Variants in IL17B observed in about 807,000 individuals in gnomAD.
IL17B encodes the protein interleukin 17B.
Under a neutral mutation model 14.7 loss-of-function variants are expected in IL17B, and 14 were observed. The ratio of observed to expected loss-of-function variants is 0.95; its 90% CI spans 0.63 to 1.49. IL17B has a LOEUF of 1.49. Among genes scored for constraint, IL17B ranks in the 40% most tolerant of loss-of-function variants. IL17B has a pLI of 0.00. For missense variants in IL17B, 233 were observed against 252.8 expected, an observed-to-expected ratio of 0.92 and a Z score of 0.53; for synonymous variants, 105 against 94.8, an observed-to-expected ratio of 1.11 and a Z score of -0.62.
chr5:149,379,073 G>T (rs1758618227), intron 1 of IL17B, 132 bp downstream of exon 1: 3 of 1,067,282 alleles, frequency 2.8e-6, no homozygotes, highest in East Asian at 2.4e-5. Context: ...CTAGTCCTGG[G>T]GGAGAAGACA....
chr5:149,402,376 C>T (rs1296156959), intron 1 of IL17B, among the ~76,000 whole-genome samples: 1 of 152,124 alleles, frequency 6.6e-6, no homozygotes, highest in East Asian at 1.9e-4. Context: ...GACTGGGCTA[C>T]ACCATTGTTC....
rs2127617147 is a variant in IL17B, at chr5:149,376,934, A to C, written c.113T>G (p.Leu38Arg). 1 of 1,613,560 alleles carries C rather than the reference A, an allele frequency of 6.2e-7. No individual in the cohort carries two copies. Among genetic ancestry groups the C allele is most frequent in the East Asian group, 2.2e-5 (1 of 44,862 alleles). ...KRKGQGRPGP[L>R]APGPHQVPLD... ...TGGCACCTGGTGAGGGCCAGGGGCC[A>C]GGGGCCCAGGCCGCCCTTGCCCCTT... Residue 38 changes from leucine to arginine, a missense_variant, in exon 2 of 3, where the codon CTG (leucine) becomes CGG (arginine). Coordinates refer to ENST00000261796, the MANE Select transcript of IL17B (RefSeq NM_014443.3).
At chr5:149,402,847 C>T (rs1017446931) in intron 1 of IL17B, among the ~76,000 whole-genome samples, 9 of 151,322 alleles carry the variant, frequency 5.9e-5, no homozygotes, top group African/African-American at 2.2e-4. Context: ...ATTAAAAATA[C>T]AAAAAATTAG....
chr5:149,381,200 T>C (rs1002828755), upstream of IL17B, among the ~76,000 whole-genome samples: 1 of 152,166 alleles, frequency 6.6e-6, no homozygotes, highest in Admixed American at 6.5e-5. Context: ...CTGCTGGAAA[T>C]ACGCACCCCT....
In IL17B at chr5:149,403,066, CTGTTTTGTTTTGTTT is replaced by C. The variant is rs113008877; in HGVS notation, n.95+1027_95+1041del. Among the ~76,000 whole-genome samples, 766 of 142,050 alleles carry C rather than the reference CTGTTTTGTTTTGTTT, an allele frequency of 5.4e-3. 9 individuals are homozygous for C. Among genetic ancestry groups the C allele is most frequent in the African/African-American group, 0.019 (711 of 38,416 alleles). 93.2% of individuals were successfully genotyped at this position (142,050 alleles called of 152,430 possible). A position where few individuals can be genotyped will look rare whatever the true frequency, so the allele number is the denominator to read the frequency against. ...TAGACAGTTTTTTGTTTGTTTTGTT[CTGTTTTGTTTTGTTT>C]TGTTTTGTTTTGTTTTGTTTTGAGA... is the stretch of plus-strand genomic sequence containing the variant. On this transcript the variant is annotated intron_variant and non_coding_transcript_variant, in intron 1 of 2. Transcript: ENST00000505432.
rs951898748 is a variant in IL17B, at chr5:149,395,780, C to A, written n.95+8328G>T. Reference sequence around the variant, plus strand: ...CTCTGCCTCCCAGGTTCAAGCAATTCTCGTACCTCAGCCTCCTGAGTAGCT... The same window carrying A: ...CTCTGCCTCCCAGGTTCAAGCAATTATCGTACCTCAGCCTCCTGAGTAGCT... On this transcript the variant is annotated intron_variant and non_coding_transcript_variant, in intron 1 of 2. Transcript: ENST00000505432. Among the ~76,000 whole-genome samples the A allele has an allele frequency of 2.0e-4, 31 of 152,194 alleles. 1 individual carries two copies. Among genetic ancestry groups the A allele is most frequent in the African/African-American group, 6.8e-4 (28 of 41,448 alleles).
chr5:149,388,916 G>A (rs1758883754), intron 1 of IL17B, among the ~76,000 whole-genome samples: 1 of 152,196 alleles, frequency 6.6e-6, no homozygotes, highest in Admixed American at 6.5e-5. Context: ...TTAATTGTCA[G>A]TTCCTCATCT....
intron 1 of IL17B, among the ~76,000 whole-genome samples, chr5:149,401,020 G>A (rs1183194788): frequency 6.6e-6 from 1 of 152,204 alleles, no homozygotes; most frequent in Non-Finnish European, 1.5e-5. Flanking sequence ...CACACCAACA[G>A]ACACATCCAG....
At chr5:149,378,240 G>A (rs987508176) in intron 1 of IL17B, among the ~76,000 whole-genome samples, 1 of 152,164 alleles carries the variant, frequency 6.6e-6, no homozygotes. Context: ...AGATGGGCAA[G>A]TTATGGGCTA....
chr5:149,377,954 T>C (rs1211840883), intron 1 of IL17B, among the ~76,000 whole-genome samples: 1 of 151,972 alleles, frequency 6.6e-6, no homozygotes, highest in East Asian at 1.9e-4. Flanking sequence ...CCATCCTGGC[T>C]AACACTGTGA....
chr5:149,399,566 A>C (rs1180252278), intron 1 of IL17B, among the ~76,000 whole-genome samples: 7 of 152,168 alleles, frequency 4.6e-5, no homozygotes, highest in Non-Finnish European at 8.8e-5. Context: ...AAATTTACGA[A>C]GTTAGTTCCC....
chr5:149,385,458 T>G (rs1247876389), intron 1 of IL17B, among the ~76,000 whole-genome samples: 1 of 152,234 alleles, frequency 6.6e-6, no homozygotes, highest in Non-Finnish European at 1.5e-5. Context: ...TTTGAGCTTT[T>G]AAAGTTCCCT....
intron 1 of IL17B, among the ~76,000 whole-genome samples, chr5:149,378,617 C>T (rs904900707): frequency 1.3e-5 from 2 of 152,242 alleles, no homozygotes; most frequent in African/African-American, 2.4e-5. Context: ...AAGTCTTGAC[C>T]CTAGGAAACA....
intron 1 of IL17B, among the ~76,000 whole-genome samples, chr5:149,398,063 G>A (rs1174238620): frequency 2.0e-5 from 3 of 152,068 alleles, no homozygotes; most frequent in Non-Finnish European, 4.4e-5. Flanking sequence ...GCTATATTAG[G>A]TTTCTAGATA....
upstream of IL17B, among the ~76,000 whole-genome samples, chr5:149,379,754 G>T (rs1201608876): frequency 6.6e-6 from 1 of 152,162 alleles, no homozygotes; most frequent in African/African-American, 2.4e-5. Flanking sequence ...CCTCAGGTGA[G>T]TTCAGCAGCC....
At chr5:149,402,689 TAAAAAAAAAAA>T (rs370816490) in intron 1 of IL17B, among the ~76,000 whole-genome samples, 1 of 139,186 alleles carries the variant, frequency 7.2e-6, no homozygotes, top group East Asian at 2.3e-4. Context: ...ACCATGCTTT[TAAAAAAAAAAA>T]AAAAAAAAGA....
intron 1 of IL17B, among the ~76,000 whole-genome samples, chr5:149,390,398 G>A (rs1054434750): frequency 2.6e-5 from 4 of 151,804 alleles, no homozygotes; most frequent in Non-Finnish European, 4.4e-5. Flanking sequence ...GGGATACAAG[G>A]GTCTTGTGAA....
chr5:149,381,155 A>G (rs374961347), upstream of IL17B, among the ~76,000 whole-genome samples: 46 of 152,338 alleles, frequency 3.0e-4, 1 homozygote, highest in African/African-American at 1.0e-3. Flanking sequence ...ATGCTGGGGT[A>G]TGGGGGACCC....
rs374534361 is a variant in IL17B at position 149,400,686 on chromosome 5, T to C, written n.95+3422A>G. On this transcript the variant is annotated intron_variant and non_coding_transcript_variant, in intron 1 of 2. Coordinates refer to the IL17B transcript ENST00000505432. ...CAGAAGAGGAGAGTTATCTCGGAAA[T>C]TGGCTTACATGATTATAAAGGCCAG... is the stretch of plus-strand genomic sequence containing the variant. Among the ~76,000 whole-genome samples, 12 of 152,146 alleles carry C rather than the reference T, an allele frequency of 7.9e-5. No individual in the cohort carries two copies. The East Asian group carries it at 9.7e-4, about 12-fold the overall frequency.
Sources: allele counts gnomAD v4.1 joint callset (sites outside exome capture counted in the v4.1 genomes callset), GRCh38; gene constraint gnomAD v4.1.1; transcripts MANE v1.5; gene names NCBI Gene and HGNC (gene_info 2026-07-23, HGNC 2026-07-21).